UBE2E2: variants seen among roughly 807,000 people sequenced by gnomAD.
UBE2E2 encodes ubiquitin-conjugating enzyme E2 E2.
UBE2E2 carries 6 observed loss-of-function variants against 24.7 expected under a neutral mutation model. That is an observed-to-expected ratio of 0.24 (90% CI 0.13 to 0.48). UBE2E2 has a LOEUF of 0.48. UBE2E2 is among the 20% of genes least tolerant of loss of function. The pLI is 0.99. For synonymous variants in UBE2E2, 104 were observed against 83.6 expected (o/e 1.24, Z -1.33); for missense variants, 169 against 245.0 (o/e 0.69, Z 2.07).
At position 23,215,082 on chromosome 3, in the gene UBE2E2, T is replaced by C. The variant is rs973607020; in HGVS notation, c.177-2180T>C. Among the ~76,000 whole-genome samples the C allele has an allele frequency of 2.0e-5, 3 of 152,272 alleles. No individual in the cohort carries two copies. In the East Asian group the frequency reaches 5.8e-4, roughly 29 times the overall value. Reference sequence around the variant, plus strand: ...TTAAAAAGATTATTGGTTGCCTTTATAGTCTAAAAATATATATTTAAACTT... The same window carrying C: ...TTAAAAAGATTATTGGTTGCCTTTACAGTCTAAAAATATATATTTAAACTT... On this transcript the variant is annotated intron_variant, in intron 2 of 5. Coordinates refer to ENST00000396703, the MANE Select transcript of UBE2E2 (RefSeq NM_152653.4).
chr3:23,341,458 G>A (rs1394401827), intron 3 of UBE2E2, among the ~76,000 whole-genome samples: 1 of 152,186 alleles, frequency 6.6e-6, no homozygotes, highest in African/African-American at 2.4e-5. Context: ...AACTCTGGTA[G>A]TTATAAATAC....
chr3:23,460,157 T>G (rs905831703), intron 3 of UBE2E2, among the ~76,000 whole-genome samples: 2 of 152,158 alleles, frequency 1.3e-5, no homozygotes, highest in African/African-American at 4.8e-5. Flanking sequence ...GGTTGGCACC[T>G]TGAGCCAATG....
intron 3 of UBE2E2, among the ~76,000 whole-genome samples, chr3:23,220,231 A>G (rs925499171): frequency 6.6e-6 from 1 of 152,188 alleles, no homozygotes; most frequent in Non-Finnish European, 1.5e-5. Context: ...AACACCTACA[A>G]ATGATTTAAT....
chr3:23,518,621 T>G (rs887356846), intron 4 of UBE2E2, among the ~76,000 whole-genome samples: 1 of 152,140 alleles, frequency 6.6e-6, no homozygotes, highest in Non-Finnish European at 1.5e-5. Flanking sequence ...TTTGCTGCCT[T>G]CCTTTTCCCC....
Position 23,468,385 on chromosome 3 carries a change from T to G in UBE2E2, c.228-31223T>G, listed in dbSNP as rs181822975. Among the ~76,000 whole-genome samples, 75 of 152,324 alleles carry G rather than the reference T, an allele frequency of 4.9e-4. No homozygotes were observed. The East Asian group carries it at 6.7e-3, about 14-fold the overall frequency. Reference sequence around the variant, plus strand: ...CTGTACCTATACTTTTCCCATATTATCTACAATTGCTTGGCATAGTGCCAG... The same window carrying G: ...CTGTACCTATACTTTTCCCATATTAGCTACAATTGCTTGGCATAGTGCCAG... On this transcript the variant is annotated intron_variant, in intron 3 of 5. Coordinates refer to ENST00000396703, the MANE Select transcript of UBE2E2 (RefSeq NM_152653.4).
chr3:23,249,283 A>AC (rs1264956832), intron 3 of UBE2E2, among the ~76,000 whole-genome samples: 1 of 151,852 alleles, frequency 6.6e-6, no homozygotes, highest in East Asian at 1.9e-4. Context: ...AAAAAAAAAA[A>AC]AAGAACCTAA....
At chr3:23,321,582 G>GC (rs1394156479) in intron 3 of UBE2E2, among the ~76,000 whole-genome samples, 2 of 150,346 alleles carry the variant, frequency 1.3e-5, no homozygotes, top group African/African-American at 2.5e-5. Context: ...GGAGATGAGA[G>GC]CTGCTACTCA....
chr3:23,430,796 C>T (rs369381708), intron 3 of UBE2E2, among the ~76,000 whole-genome samples: 7 of 152,174 alleles, frequency 4.6e-5, no homozygotes, highest in Non-Finnish European at 8.8e-5. Flanking sequence ...GCTAAGATTA[C>T]TGGTGTGAGC....
chr3:23,265,889 A>C (rs1196116155), intron 3 of UBE2E2, among the ~76,000 whole-genome samples: 2 of 151,990 alleles, frequency 1.3e-5, no homozygotes, highest in Non-Finnish European at 2.9e-5. Context: ...TGATCCCTTT[A>C]CCATTATGTA....
At chr3:23,252,531 C>T (rs556973931) in intron 3 of UBE2E2, among the ~76,000 whole-genome samples, 1 of 152,264 alleles carries the variant, frequency 6.6e-6, no homozygotes, top group African/African-American at 2.4e-5. Context: ...GAGTCTAGCT[C>T]TGGCGCCTAG....
intron 3 of UBE2E2, among the ~76,000 whole-genome samples, chr3:23,465,090 C>G (rs1698894298): frequency 6.6e-6 from 1 of 152,174 alleles, no homozygotes; most frequent in Non-Finnish European, 1.5e-5. Context: ...CATTTATTGA[C>G]TTCTTATTGT....
chr3:23,579,438 C>T (rs1696422599), intron 5 of UBE2E2, among the ~76,000 whole-genome samples: 1 of 148,812 alleles, frequency 6.7e-6, no homozygotes, highest in Non-Finnish European at 1.5e-5. Flanking sequence ...TATCTGTAAT[C>T]CCAGTGCTTT....
At chr3:23,423,487 G>A (rs1559379487) in intron 3 of UBE2E2, among the ~76,000 whole-genome samples, 1 of 152,018 alleles carries the variant, frequency 6.6e-6, no homozygotes, top group African/African-American at 2.4e-5. Flanking sequence ...CATAACCCTT[G>A]TTTTAATGGT....
intron 3 of UBE2E2, among the ~76,000 whole-genome samples, chr3:23,287,657 A>G (rs1045720538): frequency 6.6e-6 from 1 of 151,812 alleles, no homozygotes; most frequent in Non-Finnish European, 1.5e-5. Context: ...GGTAGGTTGT[A>G]TGTGTCTAGG....
At chr3:23,511,479 G>C (rs1472218947) in intron 4 of UBE2E2, among the ~76,000 whole-genome samples, 27 of 152,216 alleles carry the variant, frequency 1.8e-4, no homozygotes, top group Admixed American at 1.8e-3. Flanking sequence ...TCAGCCAACA[G>C]CTTAATAGAT....
intron 3 of UBE2E2, among the ~76,000 whole-genome samples, chr3:23,273,489 C>T (rs896143140): frequency 6.6e-6 from 1 of 151,150 alleles, no homozygotes; most frequent in Admixed American, 6.6e-5. Flanking sequence ...CGAGATTGCG[C>T]CACTGCACTC....
intron 3 of UBE2E2, among the ~76,000 whole-genome samples, chr3:23,376,925 G>A (rs1696537374): frequency 2.6e-5 from 4 of 152,080 alleles, no homozygotes. Flanking sequence ...ATTCTCTAGG[G>A]GATGAGGGAG....
At chr3:23,539,807 AT>A (rs982793964) in intron 5 of UBE2E2, among the ~76,000 whole-genome samples, 2 of 151,954 alleles carry the variant, frequency 1.3e-5, no homozygotes, top group African/African-American at 2.4e-5. Flanking sequence ...GATCAGACTG[AT>A]TTTTTTTAAT....
At chr3:23,486,366 T>A (rs188017225) in intron 3 of UBE2E2, among the ~76,000 whole-genome samples, 1 of 152,216 alleles carries the variant, frequency 6.6e-6, no homozygotes, top group Admixed American at 6.5e-5. Context: ...CAGAGCCCCA[T>A]AGAAGGTATT....
Sources: allele counts gnomAD v4.1 joint callset (sites outside exome capture counted in the v4.1 genomes callset), GRCh38; gene constraint gnomAD v4.1.1; transcripts MANE v1.5; gene names NCBI Gene and HGNC (gene_info 2026-07-23, HGNC 2026-07-21).